Variants in KRT15 observed in about 807,000 individuals in gnomAD.
KRT15 encodes the protein keratin 15, also known as keratin, type I cytoskeletal 15.
In KRT15, 45 loss-of-function variants were observed where a neutral mutation model predicts 46.6. The observed-to-expected ratio is 0.97, with a 90% CI of 0.76 to 1.24. The LOEUF is 1.24. KRT15 is among the 50% of genes most tolerant of loss of function. The pLI is 0.00. For missense variants in KRT15, 592 were observed against 588.9 expected (o/e 1.01, Z -0.05); for synonymous variants, 221 against 233.8 (o/e 0.95, Z 0.50).
In KRT15 at chr17:41,515,618, G is replaced by A. The variant is rs1905317000; in HGVS notation, c.1101C>T (p.Leu367=). ...TCAGCTGGGCCTCCAGGCCACCAAT[G>A]AGCCCCTGGATCTGCTGCAGCTGCG... ...YATQLQQIQG[L]IGGLEAQLSE... The change falls in exon 6 of 8, where the codon CTC becomes CTT. Residue 367 remains leucine (L), a synonymous_variant. Transcript: ENST00000254043. 1.2e-6 allele frequency: 2 copies of A among 1,614,182 alleles called. No individual in the cohort carries two copies. Among genetic ancestry groups the A allele is most frequent in the East Asian group, 4.5e-5 (2 of 44,872 alleles).
At chr17:41,514,329 C>A in intron 7 of KRT15, 1 of 603,526 alleles carries the variant, frequency 1.7e-6, no homozygotes. Context: ...CAGGGAGCAA[C>A]AATGTCAGGG....
Position 41,516,211 on chromosome 17 carries a change from C to T in KRT15, c.793G>A (p.Ala265Thr), listed in dbSNP as rs776280590. Residue 265 changes from alanine to threonine, a missense_variant, in exon 4 of 8, where the codon GCA becomes ACA. Transcript: ENST00000254043. ...CGGGTCAGGTCCACACCCGGTGCTGCGTCCATCTCCACATTGACCTGGCCG... is the reference window on the plus strand; with the variant it reads ...CGGGTCAGGTCCACACCCGGTGCTGTGTCCATCTCCACATTGACCTGGCCG... ...LAGQVNVEMD[A>T]APGVDLTRVL... is the part of the protein sequence containing the mutation. 7.4e-6 allele frequency: 12 copies of T among 1,614,144 alleles called. No individual in the cohort carries two copies. The Admixed American group carries it at 1.0e-4, about 13-fold the overall frequency.
rs974853892 is a variant in KRT15, at chr17:41,515,908, C to T, written c.1003G>A (p.Glu335Lys). 3 of 1,614,064 alleles carry T rather than the reference C, an allele frequency of 1.9e-6. No individual in the cohort carries two copies. The highest frequency in any genetic ancestry group is 2.2e-5 in the East Asian group (1 of 44,868). Reference protein sequence around the residue: ...LRRTMQELEIELQSQLSMKAG... With the variant: ...LRRTMQELEIKLQSQLSMKAG... Reference sequence around the variant, plus strand: ...ACCATGCTGAGCTGGGACTGCAGCTCGATCTCCAGCTCCTGCATCGTGCGT... The same window carrying T: ...ACCATGCTGAGCTGGGACTGCAGCTTGATCTCCAGCTCCTGCATCGTGCGT... Residue 335 changes from glutamate (E) to lysine (K), a missense_variant, in exon 5 of 8, where the codon GAG becomes AAG. Coordinates refer to ENST00000254043, the MANE Select transcript of KRT15 (RefSeq NM_002275.4).
rs771036355 is a variant in KRT15 at position 41,515,522 on chromosome 17, C to T, written c.1197G>A (p.Leu399=). 8 of 1,614,030 alleles carry T rather than the reference C, an allele frequency of 5.0e-6. No homozygotes were observed. In the East Asian group the frequency reaches 1.6e-4, roughly 31 times the overall value. ...YKMLLDIKTR[L]EQEIATYRSL... is the part of the protein sequence containing the mutation. ...TGCGGTAAGTAGCGATCTCCTGCTC[C>T]AGCCGTGTCTTTATGTCAAGCAGCA... The change falls in exon 6 of 8, where the codon CTG becomes CTA. Residue 399 remains leucine (L), a synonymous_variant. Coordinates refer to ENST00000254043, the MANE Select transcript of KRT15 (RefSeq NM_002275.4).
rs535345794 is a variant in KRT15, at chr17:41,514,588, G to C, written c.1273+61C>G. The C allele has an allele frequency of 8.7e-6, 13 of 1,501,078 alleles. No homozygotes were observed. The South Asian group carries it at 1.2e-4, about 14-fold the overall frequency. The allele number at this position is 1,501,078 out of a possible 1,614,324, so 93.0% of individuals were successfully genotyped here. A position where few individuals can be genotyped will look rare whatever the true frequency, so the allele number is the denominator to read the frequency against. On this transcript the variant is annotated intron_variant, in intron 7 of 7. Coordinates refer to ENST00000254043, the MANE Select transcript of KRT15 (RefSeq NM_002275.4). ...TTTCTCCTTCCTCCCTATTCCGAAG[G>C]GGGTGGTGGCTTCAACATCTCCCCT...
At position 41,518,785 on chromosome 17, in the gene KRT15, C is replaced by A. The variant is rs77281280; in HGVS notation, c.43G>T (p.Gly15Cys). ...FLQTSSSTFG[G>C]GSTRGGSLLA... ...AGGGAACCCCCTCGGGTTGAGCCAC[C>A]CCCAAAGGTGGAGGAAGAAGTTTGC... The change falls in exon 1 of 8, where the codon GGT (glycine) becomes TGT (cysteine). Residue 15 changes from glycine to cysteine, a missense_variant. Coordinates refer to ENST00000254043, the MANE Select transcript of KRT15 (RefSeq NM_002275.4). 2 of 1,556,608 alleles carry A rather than the reference C, an allele frequency of 1.3e-6. No individual in the cohort carries two copies. The highest frequency in any genetic ancestry group is 1.7e-6 in the Non-Finnish European group (2 of 1,156,592).
chr17:41,513,883 T>A lies in KRT15; in HGVS notation c.*140A>T, dbSNP rs1905243194. 1 of 710,868 alleles carries A rather than the reference T, an allele frequency of 1.4e-6. No homozygotes were observed. Among genetic ancestry groups the A allele is most frequent in the East Asian group, 2.5e-5 (1 of 39,960 alleles). The allele number at this position is 710,868 out of a possible 1,614,324, so 44.0% of individuals were successfully genotyped here. ...GGGGAATAGAGCGCATGCAAAGCCC[T>A]GAAATAAAAGACCGAGGGACCCTTT... On this transcript the variant is annotated 3_prime_UTR_variant, in exon 8 of 8. Transcript: ENST00000254043.
chr17:41,513,957 G>A lies in KRT15; in HGVS notation c.*66C>T. The A allele has an allele frequency of 2.5e-6, 3 of 1,201,012 alleles. No homozygotes were observed. Among genetic ancestry groups the A allele is most frequent in the Admixed American group, 1.7e-5 (1 of 59,426 alleles). 74.4% of individuals were successfully genotyped at this position (1,201,012 alleles called of 1,614,324 possible). A position where few individuals can be genotyped will look rare whatever the true frequency, so the allele number is the denominator to read the frequency against. ...GGAGTTTGCATGTGCAGGCCCTCTG[G>A]CCAGTCCTCCACTTGGCCTGATGAG... On this transcript the variant is annotated 3_prime_UTR_variant, in exon 8 of 8. Transcript: ENST00000254043.
At position 41,514,068 on chromosome 17, in the gene KRT15, C is replaced by T; in HGVS notation, c.1326G>A (p.Glu442=). Residue 442 remains glutamate (E), a synonymous_variant, in exon 8 of 8, where the codon GAG becomes GAA. Coordinates refer to ENST00000254043, the MANE Select transcript of KRT15 (RefSeq NM_002275.4). ...AAGAAACCACCTGTCCATCCACTGACTCTTCTACATTGATGTGGAAATTGC... is the reference window on the plus strand; with the variant it reads ...AAGAAACCACCTGTCCATCCACTGATTCTTCTACATTGATGTGGAAATTGC... ...SSSNFHINVE[E]SVDGQVVSSH... is the part of the protein sequence containing the mutation. 1 of 1,614,186 alleles carries T rather than the reference C, an allele frequency of 6.2e-7. No homozygotes were observed. The highest frequency in any genetic ancestry group is 2.2e-5 in the East Asian group (1 of 44,880).
chr17:41,518,267 C>T (rs943997407), intron 1 of KRT15, 63 bp downstream of exon 1: 22 of 1,530,112 alleles, frequency 1.4e-5, no homozygotes, highest in Middle Eastern at 3.5e-4. Context: ...GTAACACTGA[C>T]ATTAGAGCTG....
Position 41,513,829 on chromosome 17 carries a change from T to C in KRT15, c.*194A>G. On this transcript the variant is annotated 3_prime_UTR_variant, in exon 8 of 8. Coordinates refer to ENST00000254043, the MANE Select transcript of KRT15 (RefSeq NM_002275.4). ...GTTACACAATACAGCTGCATCTCCT[T>C]GCTCCAAAGAAGGTGGGGAGAGGCA... 1 of 585,360 alleles carries C rather than the reference T, an allele frequency of 1.7e-6. No homozygotes were observed. The highest frequency in any genetic ancestry group is 2.9e-5 in the Admixed American group (1 of 34,670). The allele number at this position is 585,360 out of a possible 1,614,324, so 36.3% of individuals were successfully genotyped here. A position where few individuals can be genotyped will look rare whatever the true frequency, so the allele number is the denominator to read the frequency against.
At chr17:41,514,780 C>G (rs1905276409) in intron 6 of KRT15, 106 bp from the exon 7 acceptor site, 1 of 1,158,682 alleles carries the variant, frequency 8.6e-7, no homozygotes, top group Admixed American at 1.9e-5. Context: ...CCTACACCAC[C>G]ACCACCCACA....
intron 3 of KRT15, among the ~76,000 whole-genome samples, chr17:41,516,511 T>G (rs1386426681): frequency 6.6e-6 from 1 of 151,644 alleles, no homozygotes; most frequent in Non-Finnish European, 1.5e-5. Context: ...AATCAGGAAG[T>G]CAACCATTCA....
intron 1 of KRT15, 94 bp from the exon 2 acceptor site, chr17:41,517,259 C>A: frequency 6.5e-6 from 7 of 1,077,002 alleles, no homozygotes; most frequent in Non-Finnish European, 9.7e-6. Flanking sequence ...TGAAAATCAC[C>A]CCTCACTGAC....
At chr17:41,516,668 G>C (rs944341063) in intron 3 of KRT15, 140 bp downstream of exon 3, 55 of 956,664 alleles carry the variant, frequency 5.7e-5, no homozygotes, top group Non-Finnish European at 8.5e-5. Flanking sequence ...GCCCCACTCT[G>C]CCTCCCACTG....
At chr17:41,516,723 C>A in intron 3 of KRT15, 85 bp downstream of exon 3, 1 of 1,524,714 alleles carries the variant, frequency 6.6e-7, no homozygotes. Flanking sequence ...GAGCCACTGT[C>A]TTTCCCTCTG....
At position 41,517,121 on chromosome 17, in the gene KRT15, G is replaced by T. The variant is rs1046921378; in HGVS notation, c.543C>A (p.Ile181=). 6.2e-7 allele frequency: 1 copy of T among 1,614,064 alleles called. No individual in the cohort carries two copies. The highest frequency in any genetic ancestry group is 1.3e-5 in the African/African-American group (1 of 74,916). The part of the protein sequence containing the change: ...TIDNSRVILE[I]DNARLAADDF... ...CGTCCGCAGCCAGCCTGGCATTGTC[G>T]ATCTCCAGGATGACCCGGGAGTTGT... The change falls in exon 2 of 8, where the codon ATC becomes ATA. Residue 181 remains isoleucine, a synonymous_variant. Coordinates refer to ENST00000254043, the MANE Select transcript of KRT15 (RefSeq NM_002275.4).
chr17:41,516,474 A>G (rs981281530), intron 3 of KRT15, among the ~76,000 whole-genome samples: 8 of 152,070 alleles, frequency 5.3e-5, no homozygotes, highest in Non-Finnish European at 1.0e-4. Context: ...CCGAGACTGT[A>G]GGGCCCTGAT....
In KRT15 at chr17:41,514,044, A is replaced by G. The variant is rs1415528558; in HGVS notation, c.1350T>C (p.Ser450=). 3.7e-6 allele frequency: 6 copies of G among 1,613,596 alleles called. No homozygotes were observed. Among genetic ancestry groups the G allele is most frequent in the Non-Finnish European group, 5.1e-6 (6 of 1,179,580 alleles). The change falls in exon 8 of 8, where the codon TCT becomes TCC. Residue 450 remains serine (S), a synonymous_variant. Coordinates refer to ENST00000254043, the MANE Select transcript of KRT15 (RefSeq NM_002275.4). ...VEESVDGQVV[S]SHKREI is the part of the protein sequence containing the mutation. ...ACACTTAGATTTCTCTCTTGTGGGA[A>G]GAAACCACCTGTCCATCCACTGACT...
Sources: gnomAD v4.1 joint callset for allele counts (sites outside exome capture counted in the v4.1 genomes callset) on GRCh38, gnomAD v4.1.1 for gene constraint, MANE v1.5 for transcripts, NCBI Gene and HGNC (gene_info 2026-07-23, HGNC 2026-07-21) for gene names.